PARD3B: variants seen among roughly 807,000 people sequenced by gnomAD.
The protein encoded by PARD3B is par-3 family cell polarity regulator beta.
PARD3B carries 103 observed loss-of-function variants against 130.2 expected under a neutral mutation model. The ratio of observed to expected loss-of-function variants is 0.79; its 90% CI spans 0.67 to 0.93. The LOEUF is 0.93. PARD3B is among the 40% of genes least tolerant of loss of function. The pLI, the probability that PARD3B is intolerant of heterozygous loss-of-function variation, is 0.00. For missense variants in PARD3B, 1,609 were observed against 1,499.2 expected (o/e 1.07, Z -1.21); for synonymous variants, 583 against 553.2 (o/e 1.05, Z -0.76).
At chr2:205,172,718 T>A (rs1159100199) in intron 12 of PARD3B, among the ~76,000 whole-genome samples, 1 of 152,216 alleles carries the variant, frequency 6.6e-6, no homozygotes, top group African/African-American at 2.4e-5. Context: ...ATCACATGTG[T>A]ACAATGTTTA....
chr2:205,581,805 C>A (rs75782316), intron 22 of PARD3B, among the ~76,000 whole-genome samples: 4,969 of 152,096 alleles, frequency 0.033, 269 homozygotes, highest in African/African-American at 0.11. Context: ...TAATTATTTT[C>A]TTAGAATAAA....
chr2:205,023,600 G>A (rs563722215), intron 3 of PARD3B, among the ~76,000 whole-genome samples: 33 of 130,322 alleles, frequency 2.5e-4, no homozygotes, highest in African/African-American at 9.8e-4. Flanking sequence ...CTTGTTCGCA[G>A]TTCCCAAGGA....
rs189930811 is a variant in PARD3B, at chr2:204,762,412, C to T, written c.222+76130C>T. 1.2e-4 allele frequency among the ~76,000 whole-genome samples: 19 copies of T among 152,144 alleles called. No homozygotes were observed. In the East Asian group the frequency reaches 1.6e-3, roughly 12 times the overall value. On this transcript the variant is annotated intron_variant, in intron 2 of 22. Coordinates refer to ENST00000406610, the MANE Select transcript of PARD3B (RefSeq NM_001302769.2). Reference sequence around the variant, plus strand: ...GTAATAGGATTACAGGCATGAGCCACGGCGCCCAACCCGAATGGCAAAGAT... The same window carrying T: ...GTAATAGGATTACAGGCATGAGCCATGGCGCCCAACCCGAATGGCAAAGAT...
At chr2:205,501,773 G>C (rs1336737796) in intron 21 of PARD3B, among the ~76,000 whole-genome samples, 1 of 152,168 alleles carries the variant, frequency 6.6e-6, no homozygotes, top group Non-Finnish European at 1.5e-5. Flanking sequence ...ACTTTCAAGA[G>C]ACTTGAAGTT....
At chr2:205,554,778 G>T (rs1048561301) in intron 22 of PARD3B, among the ~76,000 whole-genome samples, 6 of 152,148 alleles carry the variant, frequency 3.9e-5, no homozygotes, top group Non-Finnish European at 2.9e-5. Flanking sequence ...ACAACTATTT[G>T]CATAGTCTTT....
intron 13 of PARD3B, among the ~76,000 whole-genome samples, chr2:205,180,358 T>C (rs2035721301): frequency 6.6e-6 from 1 of 152,042 alleles, no homozygotes; most frequent in Non-Finnish European, 1.5e-5. Context: ...AAGAGTATCA[T>C]GGCCATCACG....
intron 2 of PARD3B, among the ~76,000 whole-genome samples, chr2:204,822,894 CTACA>C (rs1410164737): frequency 6.6e-5 from 10 of 152,128 alleles, no homozygotes; most frequent in Non-Finnish European, 1.3e-4. Context: ...TATTGATTAG[CTACA>C]TATTGTTAAA....
At chr2:205,294,154 T>C (rs2041706162) in intron 16 of PARD3B, among the ~76,000 whole-genome samples, 1 of 152,092 alleles carries the variant, frequency 6.6e-6, no homozygotes, top group Non-Finnish European at 1.5e-5. Flanking sequence ...CAGTAGAGTC[T>C]TTCTAAGGGA....
At chr2:204,603,103 A>G (rs2033580301) in intron 1 of PARD3B, among the ~76,000 whole-genome samples, 1 of 152,162 alleles carries the variant, frequency 6.6e-6, no homozygotes, top group African/African-American at 2.4e-5. Context: ...CCTGCTCAGC[A>G]CAGGAATGAG....
intron 16 of PARD3B, among the ~76,000 whole-genome samples, chr2:205,262,228 A>G (rs2040341849): frequency 6.6e-6 from 1 of 152,092 alleles, no homozygotes; most frequent in African/African-American, 2.4e-5. Context: ...TACCTTTCCT[A>G]TTGGAGTTTA....
At chr2:204,674,939 T>G (rs898955621) in intron 1 of PARD3B, among the ~76,000 whole-genome samples, 1 of 152,222 alleles carries the variant, frequency 6.6e-6, no homozygotes, top group Admixed American at 6.5e-5. Context: ...TTTATTCTTA[T>G]TAAAATTCAT....
At chr2:204,567,872 T>G (rs1055160525) in intron 1 of PARD3B, among the ~76,000 whole-genome samples, 6 of 152,234 alleles carry the variant, frequency 3.9e-5, no homozygotes, top group African/African-American at 7.2e-5. Flanking sequence ...CTGCCAACAT[T>G]TATTTCTGTT....
At chr2:205,238,456 A>G (rs1017804153) in intron 15 of PARD3B, among the ~76,000 whole-genome samples, 4 of 152,272 alleles carry the variant, frequency 2.6e-5, no homozygotes, top group Non-Finnish European at 2.9e-5. Context: ...TTTTTTAATA[A>G]ATAAAAATGT....
intron 1 of PARD3B, among the ~76,000 whole-genome samples, chr2:204,550,940 C>T (rs963041827): frequency 1.3e-5 from 2 of 152,196 alleles, no homozygotes; most frequent in Admixed American, 1.3e-4. Context: ...TATACATAAG[C>T]TAGGCCCAGA....
chr2:204,586,165 A>G (rs894624463), intron 1 of PARD3B, among the ~76,000 whole-genome samples: 1 of 152,200 alleles, frequency 6.6e-6, no homozygotes, highest in Non-Finnish European at 1.5e-5. Context: ...TAAAATAAAT[A>G]TGGTACCATA....
intron 13 of PARD3B, among the ~76,000 whole-genome samples, chr2:205,177,586 C>T (rs76508177): frequency 0.017 from 2,514 of 152,250 alleles, 66 homozygotes; most frequent in African/African-American, 0.058. Flanking sequence ...CATAATTTAA[C>T]TATGTGGAAA....
intron 1 of PARD3B, among the ~76,000 whole-genome samples, chr2:204,644,851 CT>C (rs2035217623): frequency 6.6e-6 from 1 of 151,982 alleles, no homozygotes; most frequent in Non-Finnish European, 1.5e-5. Context: ...AAAAAAATTC[CT>C]CCCCAGAGAG....
chr2:205,270,492 G>A (rs949215384), intron 16 of PARD3B, among the ~76,000 whole-genome samples: 15 of 151,890 alleles, frequency 9.9e-5, no homozygotes, highest in East Asian at 1.9e-4. Flanking sequence ...GCTTGAACCC[G>A]GGAGGCGGAG....
At chr2:204,700,917 C>G (rs763214504) in intron 2 of PARD3B, among the ~76,000 whole-genome samples, 66 of 151,732 alleles carry the variant, frequency 4.3e-4, no homozygotes, top group Non-Finnish European at 7.7e-4. Flanking sequence ...TGTTAAATGT[C>G]AAAAAATTTT....
Sources: allele counts gnomAD v4.1 joint callset (sites outside exome capture counted in the v4.1 genomes callset), GRCh38; gene constraint gnomAD v4.1.1; transcripts MANE v1.5; gene names NCBI Gene and HGNC (gene_info 2026-07-23, HGNC 2026-07-21).